RPL22L1: variants seen among roughly 807,000 people sequenced by gnomAD.
RPL22L1 encodes ribosomal protein eL22-like.
In RPL22L1, 19 loss-of-function variants were observed where a neutral mutation model predicts 17.3. That is an observed-to-expected ratio of 1.10 (90% CI 0.77 to 1.61). RPL22L1 has a LOEUF of 1.61. RPL22L1 is among the 40% of genes most tolerant of loss of function. RPL22L1 has a pLI of 0.00. For missense variants in RPL22L1, 139 were observed against 144.4 expected, an observed-to-expected ratio of 0.96 and a Z score of 0.19; for synonymous variants, 48 against 48.5, an observed-to-expected ratio of 0.99 and a Z score of 0.05.
chr3:170,865,585 A>G lies in RPL22L1; in HGVS notation c.*795T>C, dbSNP rs1711723053. ...GAACTAATTTTTTCAGACAAGGACC[A>G]CAGTAGATTCTGTAGCTGAGTTGAG... On this transcript the variant is annotated 3_prime_UTR_variant, in exon 4 of 4. Transcript: ENST00000295830. 6.6e-6 allele frequency: 1 copy of G among 152,214 alleles called. No individual in the cohort carries two copies. The highest frequency in any genetic ancestry group is 2.1e-4 in the South Asian group (1 of 4,832). The allele number at this position is 152,214 out of a possible 1,614,324, so 9.4% of individuals were successfully genotyped here.
intron 3 of RPL22L1, among the ~76,000 whole-genome samples, chr3:170,867,706 G>C (rs1711821825): frequency 6.6e-6 from 1 of 152,102 alleles, no homozygotes; most frequent in Non-Finnish European, 1.5e-5. Flanking sequence ...CATCAGACAT[G>C]TTTCTTGCAA....
rs1711936276 is a variant in RPL22L1, at chr3:170,870,029, TGACCCA to T, written c.9+124_9+129del. Reference sequence around the variant, plus strand: ...GATCCTCGCGTCTTGGTTGTGTTTCTGACCCAGACTTCACTACTCCCCTCCCTTTAT... The same window carrying T: ...GATCCTCGCGTCTTGGTTGTGTTTCTGACTTCACTACTCCCCTCCCTTTAT... On this transcript the variant is annotated intron_variant, in intron 1 of 3. Transcript: ENST00000295830. 3 of 1,362,350 alleles carry T rather than the reference TGACCCA, an allele frequency of 2.2e-6. No homozygotes were observed. The South Asian group carries it at 3.7e-5, about 17-fold the overall frequency. 84.4% of individuals were successfully genotyped at this position (1,362,350 alleles called of 1,614,324 possible).
At position 170,868,374 on chromosome 3, in the gene RPL22L1, G is replaced by T; in HGVS notation, c.26C>A (p.Pro9His). The T allele has an allele frequency of 6.2e-7, 1 of 1,603,934 alleles. No homozygotes were observed. The highest frequency in any genetic ancestry group is 8.5e-7 in the Non-Finnish European group (1 of 1,173,618). Residue 9 changes from proline to histidine, a missense_variant, in exon 2 of 4, where the codon CCC (proline) becomes CAC (histidine). Pro to His is a moderately conservative substitution (Grantham distance 77). Coordinates refer to ENST00000295830, the MANE Select transcript of RPL22L1 (RefSeq NM_001099645.2). The part of the protein sequence containing the change: MAPQKDRK[P>H]KRSTWRFNLD... ...ATTAAACCTCCAGGTTGACCTCTTG[G>T]GCTTCCTGTCTTTCTGCTACATAAA...
At chr3:170,867,342 A>G (rs903210434) in intron 3 of RPL22L1, among the ~76,000 whole-genome samples, 1 of 152,226 alleles carries the variant, frequency 6.6e-6, no homozygotes, top group African/African-American at 2.4e-5. Flanking sequence ...TTAATCTGCC[A>G]GGCTTCTGGT....
rs755179925 is a variant in RPL22L1, at chr3:170,870,164, C to A, written c.4G>T (p.Ala2Ser). M[A>S]PQKDRKPKRS... The stretch of plus-strand genomic sequence containing the variant: ...CCAAGACATCGCTCACTCACCGGCG[C>A]CATCTTGCGAGTCGGCCGCGAGAGC... Residue 2 changes from alanine (A) to serine (S), a missense_variant, in exon 1 of 4, where the codon GCG becomes TCG. Physicochemically the swap from Ala to Ser is moderately conservative, Grantham distance 99. Transcript: ENST00000295830. 3.7e-6 allele frequency: 6 copies of A among 1,613,982 alleles called. No individual in the cohort carries two copies. The South Asian group carries it at 6.6e-5, about 18-fold the overall frequency.
Position 170,866,310 on chromosome 3 carries a change from T to A in RPL22L1, c.*70A>T, listed in dbSNP as rs1170701943. The A allele has an allele frequency of 1.1e-5, 14 of 1,332,746 alleles. No homozygotes were observed. The highest frequency in any genetic ancestry group is 2.6e-5 in the East Asian group (1 of 38,856). 82.6% of individuals were successfully genotyped at this position (1,332,746 alleles called of 1,614,324 possible). On this transcript the variant is annotated 3_prime_UTR_variant, in exon 4 of 4. Transcript: ENST00000295830. Reference sequence around the variant, plus strand: ...ATTCACTGATAAACTAAAAGCCAATTTCTTGGTATTTCTCATGTATACTTC... The same window carrying A: ...ATTCACTGATAAACTAAAAGCCAATATCTTGGTATTTCTCATGTATACTTC...
At chr3:170,870,042 A>G in intron 1 of RPL22L1, 117 bp downstream of exon 1, 4 of 1,468,500 alleles carry the variant, frequency 2.7e-6, no homozygotes, top group Non-Finnish European at 3.8e-6. Flanking sequence ...CCCAGACTTC[A>G]CTACTCCCCT....
At position 170,866,091 on chromosome 3, in the gene RPL22L1, A is replaced by T. The variant is rs1711749576; in HGVS notation, c.*289T>A. 2 of 190,148 alleles carry T rather than the reference A, an allele frequency of 1.1e-5. No homozygotes were observed. Among genetic ancestry groups the T allele is most frequent in the Non-Finnish European group, 1.1e-5 (1 of 92,456 alleles). 11.8% of individuals were successfully genotyped at this position (190,148 alleles called of 1,614,324 possible). ...ACTCCAGCCTGGGTGACAGAACGAGAGTGTCTAAAAAAAAGATTTCCTATA... is the reference window on the plus strand; with the variant it reads ...ACTCCAGCCTGGGTGACAGAACGAGTGTGTCTAAAAAAAAGATTTCCTATA... On this transcript the variant is annotated 3_prime_UTR_variant, in exon 4 of 4. Transcript: ENST00000295830.
chr3:170,867,086 TATA>T, intron 3 of RPL22L1, among the ~76,000 whole-genome samples: 1 of 150,656 alleles, frequency 6.6e-6, no homozygotes, highest in Admixed American at 6.6e-5. Flanking sequence ...CCTTAGTGAT[TATA>T]ATCTCAGTTA....
chr3:170,865,163 T>C lies in RPL22L1; in HGVS notation c.*1217A>G, dbSNP rs1282462660. 2 of 152,214 alleles carry C rather than the reference T, an allele frequency of 1.3e-5. No individual in the cohort carries two copies. Among genetic ancestry groups the C allele is most frequent in the Non-Finnish European group, 2.9e-5 (2 of 68,030 alleles). 9.4% of individuals were successfully genotyped at this position (152,214 alleles called of 1,614,324 possible). A position where few individuals can be genotyped will look rare whatever the true frequency, so the allele number is the denominator to read the frequency against. ...GCTGCACTGAGGTATTGCACGATGA[T>C]GGGGGCACTTAAATTTTTAGGAAAA... On this transcript the variant is annotated 3_prime_UTR_variant, in exon 4 of 4. Coordinates refer to ENST00000295830, the MANE Select transcript of RPL22L1 (RefSeq NM_001099645.2).
At position 170,865,322 on chromosome 3, in the gene RPL22L1, A is replaced by G. The variant is rs1052865280; in HGVS notation, c.*1058T>C. The G allele has an allele frequency of 6.6e-6, 1 of 152,224 alleles. No homozygotes were observed. Among genetic ancestry groups the G allele is most frequent in the Admixed American group, 6.5e-5 (1 of 15,284 alleles). The allele number at this position is 152,224 out of a possible 1,614,324, so 9.4% of individuals were successfully genotyped here. A position where few individuals can be genotyped will look rare whatever the true frequency, so the allele number is the denominator to read the frequency against. ...CATCAAGACTCATCTAAGTACCTGA[A>G]GTAGTGGCACCACCATCAGGCTCAG... On this transcript the variant is annotated 3_prime_UTR_variant, in exon 4 of 4. Coordinates refer to ENST00000295830, the MANE Select transcript of RPL22L1 (RefSeq NM_001099645.2).
Position 170,868,304 on chromosome 3 carries a change from T to A in RPL22L1, c.96A>T (p.Gly32=), listed in dbSNP as rs754010030. Residue 32 remains glycine (G), a synonymous_variant, in exon 2 of 4, where the codon GGA becomes GGT. Transcript: ENST00000295830. Reference sequence around the variant, plus strand: ...CGAGTAGAATGATACTTACAAAATTTCCAGAATCAAAAATTCCATCTTCTA... The same window carrying A: ...CGAGTAGAATGATACTTACAAAATTACCAGAATCAAAAATTCCATCTTCTA... ...HPVEDGIFDS[G]NFEQFLREKV... 4 of 1,602,228 alleles carry A rather than the reference T, an allele frequency of 2.5e-6. No homozygotes were observed. In the Admixed American group the frequency reaches 6.7e-5, roughly 27 times the overall value.
In RPL22L1 at chr3:170,870,146, A is replaced by G. The variant is rs1426620498; in HGVS notation, c.9+13T>C. 6.2e-7 allele frequency: 1 copy of G among 1,613,998 alleles called. No homozygotes were observed. The highest frequency in any genetic ancestry group is 1.3e-5 in the African/African-American group (1 of 75,040). ...TGCCACACAACACTCCCACCAAGAC[A>G]TCGCTCACTCACCGGCGCCATCTTG... On this transcript the variant is annotated intron_variant, in intron 1 of 3. Coordinates refer to ENST00000295830, the MANE Select transcript of RPL22L1 (RefSeq NM_001099645.2).
At chr3:170,867,175 C>A (rs1217607616) in intron 3 of RPL22L1, among the ~76,000 whole-genome samples, 1 of 152,190 alleles carries the variant, frequency 6.6e-6, no homozygotes, top group Admixed American at 6.5e-5. Flanking sequence ...TCAGTTTCCA[C>A]CAGATGTATC....
At chr3:170,869,971 G>A in intron 1 of RPL22L1, 188 bp downstream of exon 1, 1 of 868,526 alleles carries the variant, frequency 1.2e-6, no homozygotes, top group Non-Finnish European at 1.9e-6. Flanking sequence ...AGACCTCATG[G>A]CAGCTGCCAG....
rs1162743252 is a variant in RPL22L1 at position 170,865,027 on chromosome 3, A to C, written c.*1353T>G. ...ATCACATACATCCTCAATGCTCTGC[A>C]GCGGTGCACAGTAGTAGGTACCTGG... is the stretch of plus-strand genomic sequence containing the variant. On this transcript the variant is annotated 3_prime_UTR_variant, in exon 4 of 4. Coordinates refer to ENST00000295830, the MANE Select transcript of RPL22L1 (RefSeq NM_001099645.2). 3.3e-5 allele frequency: 5 copies of C among 152,230 alleles called. No individual in the cohort carries two copies. The highest frequency in any genetic ancestry group is 2.9e-5 in the Non-Finnish European group (2 of 68,044). 9.4% of individuals were successfully genotyped at this position (152,230 alleles called of 1,614,324 possible). A position where few individuals can be genotyped will look rare whatever the true frequency, so the allele number is the denominator to read the frequency against.
intron 1 of RPL22L1, 169 bp downstream of exon 1, chr3:170,869,990 G>A (rs758434428): frequency 3.8e-6 from 4 of 1,043,724 alleles, no homozygotes; most frequent in African/African-American, 1.6e-5. Flanking sequence ...AGGGAGTCTC[G>A]AAAAACAGTT....
Position 170,865,700 on chromosome 3 carries a change from CCA to C in RPL22L1, c.*678_*679del, listed in dbSNP as rs1218807043. On this transcript the variant is annotated 3_prime_UTR_variant, in exon 4 of 4. Coordinates refer to ENST00000295830, the MANE Select transcript of RPL22L1 (RefSeq NM_001099645.2). ...CATTGGTTTACAGCAGGCCTCACAC[CCA>C]GAGTCTTTGGGCTAACTATAAGAGC... 2.6e-5 allele frequency: 4 copies of C among 152,138 alleles called. No homozygotes were observed. The highest frequency in any genetic ancestry group is 9.7e-5 in the African/African-American group (4 of 41,408). 9.4% of individuals were successfully genotyped at this position (152,138 alleles called of 1,614,324 possible). A position where few individuals can be genotyped will look rare whatever the true frequency, so the allele number is the denominator to read the frequency against.
At chr3:170,868,813 AAAAAAG>A (rs1711871456) in intron 1 of RPL22L1, among the ~76,000 whole-genome samples, 1 of 150,464 alleles carries the variant, frequency 6.6e-6, no homozygotes, top group African/African-American at 2.4e-5. Flanking sequence ...TAAAAAAAAA[AAAAAAG>A]AAAAGAAAAG....
Sources: gnomAD v4.1 joint callset for allele counts (sites outside exome capture counted in the v4.1 genomes callset) on GRCh38, gnomAD v4.1.1 for gene constraint, MANE v1.5 for transcripts, NCBI Gene and HGNC (gene_info 2026-07-23, HGNC 2026-07-21) for gene names.